The following RANBP17 variants were observed in gnomAD, a reference collection of about 807,000 sequenced individuals.
RANBP17 encodes ran-binding protein 17.
RANBP17 carries 158 observed loss-of-function variants against 141.2 expected under a neutral mutation model. That is an observed-to-expected ratio of 1.12 (90% CI 0.98 to 1.28). The LOEUF is 1.28. RANBP17 is among the 50% of genes most tolerant of loss of function. The pLI is 0.00. For missense variants in RANBP17, 1,438 were observed against 1,290.7 expected (o/e 1.11, Z -1.75); for synonymous variants, 430 against 450.0 (o/e 0.96, Z 0.56).
intron 25 of RANBP17, among the ~76,000 whole-genome samples, chr5:171,289,982 A>C (rs1768385865): frequency 6.6e-6 from 1 of 152,054 alleles, no homozygotes; most frequent in African/African-American, 2.4e-5. Context: ...GTGAGCTGAG[A>C]GCGTACCACT....
chr5:170,996,588 C>T (rs976705802), intron 14 of RANBP17, among the ~76,000 whole-genome samples: 1 of 152,170 alleles, frequency 6.6e-6, no homozygotes, highest in South Asian at 2.1e-4. Flanking sequence ...AGACAGCATT[C>T]AGACCTAGGA....
chr5:171,132,249 AAGGGAAGGAAGG>A (rs1262566715), intron 14 of RANBP17, among the ~76,000 whole-genome samples: 3 of 151,830 alleles, frequency 2.0e-5, no homozygotes, highest in African/African-American at 4.8e-5. Flanking sequence ...CCCCCCACCC[AAGGGAAGGAAGG>A]AGGGAAGGAA....
chr5:171,178,841 A>G (rs148156512), intron 16 of RANBP17, among the ~76,000 whole-genome samples: 2,076 of 152,202 alleles, frequency 0.014, 48 homozygotes, highest in African/African-American at 0.048. Context: ...GTCTGTTCCT[A>G]TCCGTCGCCC....
At chr5:171,091,367 T>C (rs2127728592) in intron 14 of RANBP17, among the ~76,000 whole-genome samples, 1 of 93,396 alleles carries the variant, frequency 1.1e-5, no homozygotes, top group African/African-American at 2.8e-5. Context: ...CGGCTGTATT[T>C]ATCCAATGCC....
rs200355009 is a variant in RANBP17 at position 171,265,794 on chromosome 5, G to C, written c.2890G>C (p.Ala964Pro). The change falls in exon 25 of 28, where the codon GCT becomes CCT. Residue 964 changes from alanine (A) to proline (P), a missense_variant. Ala to Pro is a conservative substitution (Grantham distance 27). Coordinates refer to ENST00000523189, the MANE Select transcript of RANBP17 (RefSeq NM_022897.5). ...KPLRCREATQAGQRLLHFMQQ... is the reference protein window; with the variant it reads ...KPLRCREATQPGQRLLHFMQQ... ...ACTTCGATGCAGAGAGGCTACCCAG[G>C]CTGGTCAGAGACTATTACATTTTAT... The C allele has an allele frequency of 2.5e-6, 4 of 1,614,124 alleles. No homozygotes were observed. The East Asian group carries it at 8.9e-5, about 36-fold the overall frequency.
intron 14 of RANBP17, among the ~76,000 whole-genome samples, chr5:171,113,695 T>C (rs553129703): frequency 6.6e-6 from 1 of 152,280 alleles, no homozygotes; most frequent in East Asian, 1.9e-4. Flanking sequence ...CCTAGGCACT[T>C]TGAGTCTAGA....
intron 14 of RANBP17, among the ~76,000 whole-genome samples, chr5:170,981,919 G>C (rs1022422442): frequency 2.0e-5 from 3 of 152,148 alleles, no homozygotes; most frequent in Non-Finnish European, 4.4e-5. Flanking sequence ...GCAGTTCGGG[G>C]TGTGGCTAAA....
intron 13 of RANBP17, among the ~76,000 whole-genome samples, chr5:170,956,607 C>T (rs1029158322): frequency 3.3e-5 from 5 of 151,846 alleles, no homozygotes; most frequent in African/African-American, 1.2e-4. Flanking sequence ...TATGCCACCA[C>T]GCCTGGCTAA....
intron 19 of RANBP17, 118 bp downstream of exon 19, chr5:171,199,891 A>C: frequency 2.0e-6 from 1 of 509,608 alleles, no homozygotes; most frequent in Admixed American, 3.3e-5. Flanking sequence ...TGCTTTCCCA[A>C]TTGCATGTCT....
intron 19 of RANBP17, among the ~76,000 whole-genome samples, chr5:171,204,998 T>G (rs1296028543): frequency 6.6e-6 from 1 of 152,220 alleles, no homozygotes; most frequent in African/African-American, 2.4e-5. Context: ...ACTTGGGGAA[T>G]GTGACTGCCA....
At chr5:170,885,393 A>T (rs1769058464) in intron 3 of RANBP17, among the ~76,000 whole-genome samples, 1 of 152,168 alleles carries the variant, frequency 6.6e-6, no homozygotes, top group African/African-American at 2.4e-5. Flanking sequence ...TAGTGACTAC[A>T]CTGGTGTGTG....
At chr5:171,084,105 T>TC (rs1194838804) in intron 14 of RANBP17, among the ~76,000 whole-genome samples, 1 of 93,166 alleles carries the variant, frequency 1.1e-5, no homozygotes, top group African/African-American at 4.2e-5. Context: ...ATGCTATCCC[T>TC]CCCCCCTCCC....
intron 14 of RANBP17, among the ~76,000 whole-genome samples, chr5:171,128,304 G>A (rs1756646869): frequency 6.6e-6 from 1 of 152,084 alleles, no homozygotes; most frequent in Admixed American, 6.5e-5. Flanking sequence ...ATACACAATG[G>A]AATGCCATTC....
chr5:171,092,656 G>T (rs534980503), intron 14 of RANBP17, among the ~76,000 whole-genome samples: 2 of 152,232 alleles, frequency 1.3e-5, no homozygotes, highest in South Asian at 2.1e-4. Flanking sequence ...GAGCTTAATG[G>T]TATTTGTCAC....
chr5:171,154,558 G>A (rs971281545), intron 14 of RANBP17, among the ~76,000 whole-genome samples: 1 of 152,186 alleles, frequency 6.6e-6, no homozygotes, highest in Non-Finnish European at 1.5e-5. Context: ...GGGATTACAG[G>A]TGTGAGCTAC....
rs371268197 is a variant in RANBP17, at chr5:170,992,045, A to G, written c.1710+23668A>G. Among the ~76,000 whole-genome samples the G allele has an allele frequency of 4.2e-4, 64 of 152,124 alleles. 1 individual carries two copies. The South Asian group carries it at 0.013, about 31-fold the overall frequency. On this transcript the variant is annotated intron_variant, in intron 14 of 27. Transcript: ENST00000523189. ...CTAATACCAGGCAGAACTTGGAATT[A>G]AAACCAGACAGTTTGATTCTAAAGT...
chr5:170,953,572 T>C, intron 12 of RANBP17, 25 bp from the exon 13 acceptor site: 2 of 1,514,154 alleles, frequency 1.3e-6, no homozygotes, highest in Admixed American at 1.9e-5. Flanking sequence ...CTTACTAAAC[T>C]TTTTTCTTCC....
intron 22 of RANBP17, among the ~76,000 whole-genome samples, chr5:171,235,869 C>T (rs1390133746): frequency 1.3e-5 from 2 of 152,182 alleles, no homozygotes; most frequent in African/African-American, 4.8e-5. Flanking sequence ...GCTGGGATTA[C>T]AGATGCAAGC....
At chr5:171,061,352 G>A (rs1338542223) in intron 14 of RANBP17, among the ~76,000 whole-genome samples, 1 of 150,402 alleles carries the variant, frequency 6.6e-6, no homozygotes, top group Non-Finnish European at 1.5e-5. Flanking sequence ...AGAGATTCTG[G>A]TATGTTGTGT....
Sources: gnomAD v4.1 joint callset for allele counts (sites outside exome capture counted in the v4.1 genomes callset) on GRCh38, gnomAD v4.1.1 for gene constraint, MANE v1.5 for transcripts, NCBI Gene and HGNC (gene_info 2026-07-23, HGNC 2026-07-21) for gene names.